The following NR5A2 variants were observed in gnomAD, a reference collection of about 807,000 sequenced individuals.
The protein encoded by NR5A2 is nuclear receptor subfamily 5 group A member 2.
In NR5A2, 26 loss-of-function variants were observed where a neutral mutation model predicts 62.7. That is an observed-to-expected ratio of 0.41 (90% confidence interval 0.30 to 0.58). NR5A2 has a LOEUF of 0.58. NR5A2 is among the 20% of genes least tolerant of loss of function. NR5A2 has a pLI of 0.22. For missense variants in NR5A2, 541 were observed against 669.1 expected (o/e 0.81, Z 2.11); for synonymous variants, 246 against 241.7 (o/e 1.02, Z -0.16).
At chr1:200,036,107 A>G (rs887585439) in intron 1 of NR5A2, among the ~76,000 whole-genome samples, 2 of 151,998 alleles carry the variant, frequency 1.3e-5, no homozygotes, top group Non-Finnish European at 1.5e-5. Context: ...AGGTGTATTT[A>G]TGGGTCAGTG....
chr1:200,133,522 TATATACACACAC>T (rs1354668669), intron 7 of NR5A2, among the ~76,000 whole-genome samples: 336 of 97,892 alleles, frequency 3.4e-3, no homozygotes, highest in Middle Eastern at 0.012. Context: ...TATATATATA[TATATACACACAC>T]ATATATATAT....
At chr1:200,166,087 T>C (rs1323012263) in intron 7 of NR5A2, among the ~76,000 whole-genome samples, 1 of 152,216 alleles carries the variant, frequency 6.6e-6, no homozygotes, top group Non-Finnish European at 1.5e-5. Flanking sequence ...GACTGGCTTA[T>C]TTCACTTAGC....
At chr1:200,091,024 T>C (rs1320723171) in intron 5 of NR5A2, among the ~76,000 whole-genome samples, 2 of 152,172 alleles carry the variant, frequency 1.3e-5, no homozygotes, top group Admixed American at 1.3e-4. Context: ...GAGATCAATA[T>C]CCCTCTGGGT....
At chr1:200,091,968 G>A (rs1452001195) in intron 5 of NR5A2, among the ~76,000 whole-genome samples, 1 of 152,178 alleles carries the variant, frequency 6.6e-6, no homozygotes, top group Non-Finnish European at 1.5e-5. Flanking sequence ...TAGTCAGCTT[G>A]TTAGACATGT....
chr1:200,090,702 T>C (rs890449935), intron 5 of NR5A2, among the ~76,000 whole-genome samples: 5 of 152,308 alleles, frequency 3.3e-5, no homozygotes, highest in African/African-American at 9.6e-5. Flanking sequence ...CCCTTCTCAG[T>C]GTCCTGGGAT....
chr1:200,047,825 G>A (rs952166691), intron 4 of NR5A2, among the ~76,000 whole-genome samples: 26 of 152,018 alleles, frequency 1.7e-4, no homozygotes, highest in African/African-American at 5.1e-4. Flanking sequence ...TGATCCACCC[G>A]CCTTGGCCTC....
chr1:200,036,676 G>A (rs1661791800), intron 1 of NR5A2, among the ~76,000 whole-genome samples: 1 of 152,140 alleles, frequency 6.6e-6, no homozygotes, highest in Non-Finnish European at 1.5e-5. Context: ...TCCTTCCAGG[G>A]GATCTGAAAT....
intron 5 of NR5A2, among the ~76,000 whole-genome samples, chr1:200,085,156 A>T (rs1664465043): frequency 6.6e-6 from 1 of 152,130 alleles, no homozygotes; most frequent in South Asian, 2.1e-4. Context: ...TTACTTGTAG[A>T]TTATTTACTT....
intron 7 of NR5A2, among the ~76,000 whole-genome samples, chr1:200,130,278 GGAAGAAGAAGAAGAAGAAGAAGAA>G (rs66507419): frequency 1.4e-4 from 15 of 106,438 alleles, no homozygotes; most frequent in African/African-American, 4.4e-4. Context: ...GAACTAACTA[GGAAGAAGAAGAAGAAGAAGAAGAA>G]GAAGAAGAAG....
At chr1:200,080,566 G>A (rs1027452135) in intron 5 of NR5A2, among the ~76,000 whole-genome samples, 1 of 152,130 alleles carries the variant, frequency 6.6e-6, no homozygotes, top group Non-Finnish European at 1.5e-5. Flanking sequence ...AACAAAAGGC[G>A]ATTTTTCTTT....
chr1:200,110,985 A>G (rs1665913216), intron 5 of NR5A2, among the ~76,000 whole-genome samples: 1 of 152,094 alleles, frequency 6.6e-6, no homozygotes, highest in South Asian at 2.1e-4. Flanking sequence ...TTAAGTACCT[A>G]CGTGTGTCCT....
intron 7 of NR5A2, among the ~76,000 whole-genome samples, chr1:200,138,415 T>C (rs1194764324): frequency 6.6e-6 from 1 of 152,220 alleles, no homozygotes; most frequent in Non-Finnish European, 1.5e-5. Context: ...TCTTTCTGTT[T>C]CTTTGAAGTA....
intron 2 of NR5A2, among the ~76,000 whole-genome samples, chr1:200,040,881 G>A (rs976734374): frequency 2.0e-5 from 3 of 152,230 alleles, no homozygotes; most frequent in Admixed American, 1.3e-4. Context: ...GGCGTGCGCC[G>A]TGCGGGTTGT....
intron 7 of NR5A2, among the ~76,000 whole-genome samples, chr1:200,130,769 TTACA>T (rs1489488884): frequency 4.6e-5 from 7 of 152,134 alleles, no homozygotes; most frequent in African/African-American, 1.7e-4. Flanking sequence ...CTAAATATGA[TTACA>T]TACTCACCCA....
intron 5 of NR5A2, among the ~76,000 whole-genome samples, chr1:200,066,409 G>C (rs1663470429): frequency 6.6e-6 from 1 of 151,994 alleles, no homozygotes; most frequent in African/African-American, 2.4e-5. Flanking sequence ...ATAGAGCCAG[G>C]TGCCAGAGCC....
At chr1:200,083,525 A>G (rs1478310330) in intron 5 of NR5A2, among the ~76,000 whole-genome samples, 1 of 152,194 alleles carries the variant, frequency 6.6e-6, no homozygotes, top group African/African-American at 2.4e-5. Flanking sequence ...CAGCCTCCTC[A>G]TTGTCATTAG....
rs1665930691 is a variant in NR5A2 at position 200,111,270 on chromosome 1, A to G, written c.1179A>G (p.Arg393=). Residue 393 remains arginine (R), a synonymous_variant, in exon 6 of 8, where the codon CGA becomes CGG. Coordinates refer to ENST00000367362, the MANE Select transcript of NR5A2 (RefSeq NM_205860.3). ...TCTTAATCCTCGACCACATTTACCG[A>G]CAAGTGGTACATGGAAAGGAAGGAT... is the stretch of plus-strand genomic sequence containing the variant. ...SELLILDHIY[R]QVVHGKEGSI... The G allele has an allele frequency of 6.2e-7, 1 of 1,613,402 alleles. No homozygotes were observed. Among genetic ancestry groups the G allele is most frequent in the Non-Finnish European group, 8.5e-7 (1 of 1,179,800 alleles).
At chr1:200,029,196 G>C (rs1336962003) in intron 1 of NR5A2, 1 of 314,466 alleles carries the variant, frequency 3.2e-6, no homozygotes, top group Non-Finnish European at 6.3e-6. Context: ...GAGCGCGCTC[G>C]GGCCGGAGAC....
rs1483111687 is a variant in NR5A2, at chr1:200,147,766, ATGCCGGCACGG to A, written c.1379-26196_1379-26186del. The A allele has an allele frequency of 1.5e-3, 13 of 8,548 alleles. No individual in the cohort carries two copies. The highest frequency in any genetic ancestry group is 4.5e-3 in the Non-Finnish European group (10 of 2,220). 0.5% of individuals were successfully genotyped at this position (8,548 alleles called of 1,614,324 possible). A position where few individuals can be genotyped will look rare whatever the true frequency, so the allele number is the denominator to read the frequency against. On this transcript the variant is annotated intron_variant, in intron 7 of 7. Transcript: ENST00000367362. The surrounding 1 kb of genome is among the most constrained non-coding windows in gnomAD (Gnocchi z 4.9). Reference sequence around the variant, plus strand: ...GGTGAAGACGCGGATGCCGGCGCGAATGCCGGCACGGATGCCGGCACGGTGGGCAGCCGCCG... The same window carrying A: ...GGTGAAGACGCGGATGCCGGCGCGAAATGCCGGCACGGTGGGCAGCCGCCG...
Sources: allele counts gnomAD v4.1 joint callset (sites outside exome capture counted in the v4.1 genomes callset), GRCh38; gene constraint gnomAD v4.1.1; non-coding constraint Gnocchi (gnomAD v3.1); transcripts MANE v1.5; gene names NCBI Gene and HGNC (gene_info 2026-07-23, HGNC 2026-07-21).